The following CCDC144A variants were observed in gnomAD, a reference collection of about 807,000 sequenced individuals.
CCDC144A encodes coiled-coil domain containing 144A.
Under a neutral mutation model 143.8 loss-of-function variants are expected in CCDC144A, and 41 were observed. The ratio of observed to expected loss-of-function variants is 0.29; its 90% CI spans 0.22 to 0.37. The LOEUF (loss-of-function observed/expected upper bound fraction) is 0.37. Among genes scored for constraint, CCDC144A ranks in the 10% least tolerant of loss-of-function variants. The probability of loss-of-function intolerance (pLI) is 1.00; values close to 1 mark genes in which losing one functional copy is unlikely to be tolerated. For missense variants in CCDC144A, 637 were observed against 1,488.8 expected (o/e 0.43, Z 9.41); for synonymous variants, 242 against 517.9 (o/e 0.47, Z 7.23).
upstream of CCDC144A, among the ~76,000 whole-genome samples, chr17:16,689,344 C>T (rs1336245899): frequency 1.3e-5 from 2 of 152,030 alleles, no homozygotes; most frequent in African/African-American, 2.4e-5. Context: ...TACAGGCACG[C>T]GCCACCACGC....
chr17:16,683,736 C>T, the CCDC144A span: 5 of 1,571,516 alleles, frequency 3.2e-6, no homozygotes, highest in Admixed American at 1.7e-5. Flanking sequence ...ACTCCGTGAG[C>T]CACTGGATGG....
At position 16,703,838 on chromosome 17, in the gene CCDC144A, G is replaced by A. The variant is rs1911885446; in HGVS notation, c.416-1313G>A. ...CAAACGAACAAAAAAACACAAGCAC[G>A]CACAGCCATACATTCCAATAGCCTT... is the stretch of plus-strand genomic sequence containing the variant. On this transcript the variant is annotated intron_variant, in intron 2 of 16. Coordinates refer to ENST00000399273, the MANE Select transcript of CCDC144A (RefSeq NM_001382000.1). 2.6e-5 allele frequency among the ~76,000 whole-genome samples: 4 copies of A among 151,984 alleles called. No homozygotes were observed. The South Asian group carries it at 8.3e-4, about 32-fold the overall frequency.
chr17:16,675,704 G>A, the CCDC144A span, among the ~76,000 whole-genome samples: 1 of 150,956 alleles, frequency 6.6e-6, no homozygotes, highest in Non-Finnish European at 1.5e-5. Flanking sequence ...AGATAGATCA[G>A]TGGAAAAATA....
upstream of CCDC144A, among the ~76,000 whole-genome samples, chr17:16,685,294 T>A (rs753703797): frequency 1.3e-5 from 2 of 152,198 alleles, no homozygotes; most frequent in Non-Finnish European, 2.9e-5. Context: ...CTCAAAGTGC[T>A]GGGATTACAT....
At position 16,762,458 on chromosome 17, in the gene CCDC144A, C is replaced by T. The variant is rs1238483049; in HGVS notation, c.3812C>T (p.Thr1271Ile). Residue 1271 changes from threonine to isoleucine, a missense_variant, in exon 14 of 17, where the codon ACC (threonine) becomes ATC (isoleucine). Transcript: ENST00000399273. Reference sequence around the variant, plus strand: ...ACTTCGCAAGCCGACTTTAATAAAACCGAATTGGAAAGATATAAGGAACTC... The same window carrying T: ...ACTTCGCAAGCCGACTTTAATAAAATCGAATTGGAAAGATATAAGGAACTC... The part of the protein sequence containing the change: ...IKTSQADFNK[T>I]ELERYKELYL... The T allele has an allele frequency of 1.9e-6, 3 of 1,592,260 alleles. No homozygotes were observed. Among genetic ancestry groups the T allele is most frequent in the Admixed American group, 1.8e-5 (1 of 56,244 alleles).
chr17:16,667,581 CTCAGCCACT>C, the CCDC144A span, among the ~76,000 whole-genome samples: 799 of 151,986 alleles, frequency 5.3e-3, 10 homozygotes, highest in Non-Finnish European at 6.6e-3. Context: ...TCTCCGGCTG[CTCAGCCACT>C]TGTTTTCTCA....
At chr17:16,729,991 T>TATATATATATATATACATACACACAC (rs1491438660) in intron 9 of CCDC144A, among the ~76,000 whole-genome samples, 1 of 114,886 alleles carries the variant, frequency 8.7e-6, no homozygotes, top group Non-Finnish European at 1.9e-5. Context: ...TATATATATA[T>TATATATATATATATACATACACACAC]ACACACATAC....
the CCDC144A span, among the ~76,000 whole-genome samples, chr17:16,676,009 A>T: frequency 6.6e-6 from 1 of 151,840 alleles, no homozygotes; most frequent in Non-Finnish European, 1.5e-5. Context: ...CGGACTTCCA[A>T]AGTGCTGGGA....
chr17:16,691,764 A>AAAACAAAC (rs199922365), intron 1 of CCDC144A: 3,121 of 151,630 alleles, frequency 0.021, 95 homozygotes, highest in African/African-American at 0.072. Context: ...GACTCAGTCT[A>AAAACAAAC]AAACAAACAA....
At chr17:16,768,275 G>T (rs113103159) in intron 15 of CCDC144A, among the ~76,000 whole-genome samples, 24,806 of 149,956 alleles carry the variant, frequency 0.17, 726 homozygotes, top group Non-Finnish European at 0.22. Context: ...GTGGAGGCCT[G>T]GGGAGTTTCT....
intron 12 of CCDC144A, among the ~76,000 whole-genome samples, chr17:16,745,194 C>T (rs1051433176): frequency 1.3e-5 from 2 of 150,422 alleles, no homozygotes; most frequent in Non-Finnish European, 1.5e-5. Flanking sequence ...ACTCTTCACT[C>T]GACACCATGG....
chr17:16,711,159 C>CAAAAAAAAAAA (rs1567589809), intron 5 of CCDC144A, among the ~76,000 whole-genome samples: 1 of 79,408 alleles, frequency 1.3e-5, no homozygotes, highest in Non-Finnish European at 2.3e-5. Flanking sequence ...AAAAAAAAAA[C>CAAAAAAAAAAA]AAAAGTTAGT....
At chr17:16,717,288 T>G (rs1376612860) in intron 6 of CCDC144A, among the ~76,000 whole-genome samples, 1 of 150,280 alleles carries the variant, frequency 6.7e-6, no homozygotes, top group African/African-American at 2.5e-5. Flanking sequence ...AATTTTTGTA[T>G]TTTTAGTAGA....
At position 16,761,602 on chromosome 17, in the gene CCDC144A, T is replaced by G. The variant is rs759752670; in HGVS notation, c.3550T>G (p.Tyr1184Asp). 2 of 1,613,632 alleles carry G rather than the reference T, an allele frequency of 1.2e-6. No homozygotes were observed. Among genetic ancestry groups the G allele is most frequent in the Non-Finnish European group, 1.7e-6 (2 of 1,179,672 alleles). ...ACAAGAAGTAGTAAACCTCAAAAGTTATATGGAAAGAAATATGTTAGAACG... is the reference window on the plus strand; with the variant it reads ...ACAAGAAGTAGTAAACCTCAAAAGTGATATGGAAAGAAATATGTTAGAACG... Reference protein sequence around the residue: ...LKQEVVNLKSYMERNMLERGK... With the variant: ...LKQEVVNLKSDMERNMLERGK... The change falls in exon 13 of 17, where the codon TAT becomes GAT. Residue 1184 changes from tyrosine (Y) to aspartate (D), a missense_variant. Tyr to Asp is a radical substitution (Grantham distance 160). Transcript: ENST00000399273.
At chr17:16,771,740 C>T (rs1915829166) in intron 15 of CCDC144A, among the ~76,000 whole-genome samples, 1 of 152,272 alleles carries the variant, frequency 6.6e-6, no homozygotes, top group African/African-American at 2.4e-5. Flanking sequence ...ATAGCTCCAA[C>T]AGACCAATAT....
At chr17:16,671,656 C>T in the CCDC144A span, among the ~76,000 whole-genome samples, 3 of 151,940 alleles carry the variant, frequency 2.0e-5, no homozygotes, top group Non-Finnish European at 2.9e-5. Flanking sequence ...ACATATTGGT[C>T]CCTACTCTTC....
chr17:16,689,353 G>A (rs896409521), upstream of CCDC144A, among the ~76,000 whole-genome samples: 3 of 152,026 alleles, frequency 2.0e-5, no homozygotes, highest in Non-Finnish European at 2.9e-5. Context: ...GCGCCACCAC[G>A]CCCAACTAAT....
At chr17:16,757,357 C>A (rs575224993) in intron 12 of CCDC144A, among the ~76,000 whole-genome samples, 1 of 152,232 alleles carries the variant, frequency 6.6e-6, no homozygotes, top group African/African-American at 2.4e-5. Flanking sequence ...ACTGAAGACA[C>A]GTGCAGGAGC....
At chr17:16,768,784 A>G (rs1253967488) in intron 15 of CCDC144A, among the ~76,000 whole-genome samples, 1 of 151,688 alleles carries the variant, frequency 6.6e-6, no homozygotes, top group Non-Finnish European at 1.5e-5. Flanking sequence ...TGATTTCACT[A>G]TATTTCTTTA....
Sources: allele counts gnomAD v4.1 joint callset (sites outside exome capture counted in the v4.1 genomes callset), GRCh38; gene constraint gnomAD v4.1.1; transcripts MANE v1.5; gene names NCBI Gene and HGNC (gene_info 2026-07-23, HGNC 2026-07-21).